KCNT2: variants seen among roughly 807,000 people sequenced by gnomAD.
The protein encoded by KCNT2 is potassium sodium-activated channel subfamily T member 2, also known as potassium channel subfamily T member 2.
Under a neutral mutation model 153.8 loss-of-function variants are expected in KCNT2, and 67 were observed. That is an observed-to-expected ratio of 0.44 (90% CI 0.36 to 0.53). KCNT2 has a LOEUF of 0.53. KCNT2 is among the 20% of genes least tolerant of loss of function. The probability of loss-of-function intolerance (pLI) is 0.00; values close to 1 mark genes in which losing one functional copy is unlikely to be tolerated. For synonymous variants in KCNT2, 500 were observed against 458.8 expected, an observed-to-expected ratio of 1.09 and a Z score of -1.15; for missense variants, 975 against 1,354.8, an observed-to-expected ratio of 0.72 and a Z score of 4.40.
chr1:196,265,988 A>T (rs1056220783), intron 25 of KCNT2, among the ~76,000 whole-genome samples: 1 of 152,312 alleles, frequency 6.6e-6, no homozygotes. Context: ...ACAAAACAAC[A>T]AACAAACAAA....
intron 5 of KCNT2, among the ~76,000 whole-genome samples, chr1:196,473,561 TA>T (rs1264607915): frequency 1.3e-5 from 2 of 152,246 alleles, no homozygotes; most frequent in African/African-American, 4.8e-5. Flanking sequence ...CACAGAGGAC[TA>T]ATTTTCATGG....
intron 4 of KCNT2, 62 bp from the exon 5 acceptor site, chr1:196,479,300 G>T: frequency 1.1e-6 from 1 of 941,078 alleles, no homozygotes; most frequent in Non-Finnish European, 1.7e-6. Flanking sequence ...TATATTCTTG[G>T]CTATACTACT....
At chr1:196,286,634 C>T (rs868516059) in intron 22 of KCNT2, among the ~76,000 whole-genome samples, 4 of 130,746 alleles carry the variant, frequency 3.1e-5, no homozygotes, top group African/African-American at 7.5e-5. Flanking sequence ...CACACACACA[C>T]ACATACACAC....
intron 1 of KCNT2, among the ~76,000 whole-genome samples, chr1:196,516,650 G>C (rs1682079669): frequency 6.6e-6 from 1 of 152,234 alleles, no homozygotes; most frequent in Non-Finnish European, 1.5e-5. Context: ...GCCTTTTAAT[G>C]TAGGTCCCTG....
chr1:196,259,154 G>A (rs778717843), intron 25 of KCNT2, among the ~76,000 whole-genome samples: 4 of 152,018 alleles, frequency 2.6e-5, no homozygotes, highest in Non-Finnish European at 5.9e-5. Flanking sequence ...GTGAAAATAT[G>A]TTGTAAATAT....
chr1:196,384,576 G>A (rs1295348059), intron 13 of KCNT2, among the ~76,000 whole-genome samples: 1 of 151,802 alleles, frequency 6.6e-6, no homozygotes, highest in Non-Finnish European at 1.5e-5. Flanking sequence ...GCACGCTAAT[G>A]GGTGTAATCC....
chr1:196,322,551 C>T (rs1055070154), intron 19 of KCNT2, among the ~76,000 whole-genome samples: 5 of 151,650 alleles, frequency 3.3e-5, no homozygotes, highest in Admixed American at 1.3e-4. Flanking sequence ...GAAAAGATGA[C>T]GACTTATGAG....
chr1:196,497,928 T>A (rs1439243563), intron 1 of KCNT2, among the ~76,000 whole-genome samples: 1 of 152,208 alleles, frequency 6.6e-6, no homozygotes, highest in Non-Finnish European at 1.5e-5. Flanking sequence ...CTTTTTTAGA[T>A]TATTCTAGTA....
At chr1:196,419,837 T>C (rs12049567) in intron 12 of KCNT2, among the ~76,000 whole-genome samples, 69,730 of 151,666 alleles carry the variant, frequency 0.46, 18,614 homozygotes, top group Middle Eastern at 0.69. Flanking sequence ...CTTTTTCCTT[T>C]GGCTTCTTCT....
intron 5 of KCNT2, among the ~76,000 whole-genome samples, chr1:196,478,147 C>T (rs773187672): frequency 1.3e-5 from 2 of 152,160 alleles, no homozygotes; most frequent in East Asian, 1.9e-4. Flanking sequence ...TTCTCTTCGC[C>T]TATCTCAACC....
chr1:196,423,212 T>C (rs528850374), intron 11 of KCNT2, 99 bp from the exon 12 acceptor site: 6 of 697,826 alleles, frequency 8.6e-6, no homozygotes, highest in Non-Finnish European at 1.5e-5. Context: ...TTGCACAAAA[T>C]GTACATGTAG....
intron 10 of KCNT2, 30 bp downstream of exon 10, chr1:196,428,075 A>C: frequency 6.4e-7 from 1 of 1,568,290 alleles, no homozygotes; most frequent in Non-Finnish European, 8.8e-7. Flanking sequence ...GGTATGATCC[A>C]GTATAGCACA....
At chr1:196,324,011 T>C (rs762802314) in intron 19 of KCNT2, among the ~76,000 whole-genome samples, 6 of 150,738 alleles carry the variant, frequency 4.0e-5, no homozygotes, top group Non-Finnish European at 7.4e-5. Context: ...ACATTGTTAA[T>C]TGGTGTTTAG....
At chr1:196,298,211 G>A (rs1660856434) in intron 22 of KCNT2, among the ~76,000 whole-genome samples, 1 of 152,056 alleles carries the variant, frequency 6.6e-6, no homozygotes, top group Non-Finnish European at 1.5e-5. Context: ...GTGCAATTGT[G>A]ACACTACCTG....
intron 21 of KCNT2, among the ~76,000 whole-genome samples, chr1:196,312,184 G>A (rs765613392): frequency 4.0e-5 from 6 of 151,598 alleles, no homozygotes; most frequent in Admixed American, 2.6e-4. Context: ...GATCTAACCC[G>A]AGGAAGATCT....
At chr1:196,462,540 A>G (rs1340057503) in intron 8 of KCNT2, among the ~76,000 whole-genome samples, 1 of 151,686 alleles carries the variant, frequency 6.6e-6, no homozygotes, top group Non-Finnish European at 1.5e-5. Context: ...TAAGTAATTT[A>G]GTTTTTGTGG....
chr1:196,257,206 A>G (rs538662118), intron 26 of KCNT2: 1 of 979,882 alleles, frequency 1.0e-6, no homozygotes, highest in Admixed American at 6.2e-5. Flanking sequence ...CACCTAGCAT[A>G]GTTCCTGGAG....
At chr1:196,465,986 A>G (rs1208141328) in intron 7 of KCNT2, among the ~76,000 whole-genome samples, 1 of 152,064 alleles carries the variant, frequency 6.6e-6, no homozygotes, top group African/African-American at 2.4e-5. Context: ...GAAGACAAAT[A>G]ACTAAGTTGA....
intron 25 of KCNT2, among the ~76,000 whole-genome samples, chr1:196,261,486 C>T (rs910311149): frequency 3.3e-5 from 5 of 151,784 alleles, no homozygotes; most frequent in African/African-American, 9.7e-5. Flanking sequence ...TATTTTATGG[C>T]TTATGACCTT....
Sources: allele counts gnomAD v4.1 joint callset (sites outside exome capture counted in the v4.1 genomes callset), GRCh38; gene constraint gnomAD v4.1.1; transcripts MANE v1.5; gene names NCBI Gene and HGNC (gene_info 2026-07-23, HGNC 2026-07-21).